Variants in SPATA6L observed in about 807,000 individuals in gnomAD.
SPATA6L encodes the protein spermatogenesis associated 6-like protein.
A neutral mutation model predicts 49.2 loss-of-function variants in SPATA6L; 68 were observed. The ratio of observed to expected loss-of-function variants is 1.38; its 90% CI spans 1.14 to 1.69. The LOEUF (loss-of-function observed/expected upper bound fraction) is 1.69, where lower values mean the gene tolerates loss of function less well. Ranked by LOEUF, SPATA6L falls within the 40% of genes most tolerant of loss-of-function variation. The pLI is 0.00. For missense variants in SPATA6L, 668 were observed against 464.3 expected, an observed-to-expected ratio of 1.44 and a Z score of -4.03; for synonymous variants, 198 against 165.7, an observed-to-expected ratio of 1.19 and a Z score of -1.50.
chr9:4,663,317 A>T, intron 1 of SPATA6L: 2 of 1,549,990 alleles, frequency 1.3e-6, no homozygotes, highest in Non-Finnish European at 1.8e-6. Context: ...ACATTCGATG[A>T]TGTCAACCTA....
At chr9:4,643,538 A>G (rs1188173167) in intron 3 of SPATA6L, among the ~76,000 whole-genome samples, 2 of 152,208 alleles carry the variant, frequency 1.3e-5, no homozygotes, top group African/African-American at 4.8e-5. Context: ...AACAATATTA[A>G]TTTATGGATA....
chr9:4,664,749 C>T (rs1485202), intron 1 of SPATA6L: 26,826 of 166,982 alleles, frequency 0.16, 2,544 homozygotes, highest in East Asian at 0.38. Flanking sequence ...ACCTGGAGAA[C>T]GGCTGTGATA....
intron 3 of SPATA6L, among the ~76,000 whole-genome samples, chr9:4,640,320 T>A (rs1425405173): frequency 6.6e-6 from 1 of 152,236 alleles, no homozygotes; most frequent in Admixed American, 6.5e-5. Context: ...ACTTCTTCAT[T>A]CTTTAGCAGT....
Position 4,635,367 on chromosome 9 carries a change from T to C in SPATA6L, c.259A>G (p.Thr87Ala). Residue 87 changes from threonine to alanine, a missense_variant, in exon 4 of 12, where the codon ACA (threonine) becomes GCA (alanine). Physicochemically the swap from Thr to Ala is moderately conservative, Grantham distance 58. Transcript: ENST00000682582. ...GGCTCTGGGAAAAGAAAATCTCGTG[T>C]GTTTTCTTCGTAGTAGGCCAACTCA... ...WDELAYYEEN[T>A]RDFLFPEPKL... The C allele has an allele frequency of 6.3e-7, 1 of 1,591,606 alleles. No homozygotes were observed. Among genetic ancestry groups the C allele is most frequent in the African/African-American group, 1.4e-5 (1 of 73,100 alleles).
chr9:4,617,445 T>C (rs1828267140), intron 9 of SPATA6L: 1 of 152,390 alleles, frequency 6.6e-6, no homozygotes, highest in Non-Finnish European at 1.5e-5. Flanking sequence ...TTTCTGCTTT[T>C]GCTCTCTGGC....
intron 3 of SPATA6L, among the ~76,000 whole-genome samples, chr9:4,648,296 C>G (rs1835897524): frequency 6.6e-6 from 1 of 152,166 alleles, no homozygotes; most frequent in African/African-American, 2.4e-5. Flanking sequence ...TATATATTTG[C>G]CAACCATCAC....
rs1829899509 is a variant in SPATA6L at position 4,624,120 on chromosome 9, A to G, written c.669+1207T>C. Among the ~76,000 whole-genome samples, 4 of 152,218 alleles carry G rather than the reference A, an allele frequency of 2.6e-5. No homozygotes were observed. The South Asian group carries it at 6.2e-4, about 24-fold the overall frequency. ...ACCACTGATGACTTTAAATCAAAAT[A>G]TCAACTTAATGATACTATCAATAGT... On this transcript the variant is annotated intron_variant, in intron 6 of 11. Transcript: ENST00000682582.
Position 4,605,507 on chromosome 9 carries a change from C to G in SPATA6L, c.996-67G>C. 3 of 1,053,614 alleles carry G rather than the reference C, an allele frequency of 2.8e-6. No individual in the cohort carries two copies. The South Asian group carries it at 4.0e-5, about 14-fold the overall frequency. The allele number at this position is 1,053,614 out of a possible 1,614,324, so 65.3% of individuals were successfully genotyped here. A position where few individuals can be genotyped will look rare whatever the true frequency, so the allele number is the denominator to read the frequency against. ...TAAAAAGGACACTTAAAGCACATGA[C>G]GGTATGGATTGATATTTAAAACTTA... On this transcript the variant is annotated intron_variant, in intron 9 of 11. Transcript: ENST00000682582.
rs373481608 is a variant in SPATA6L, at chr9:4,618,131, T to C, written c.808-21A>G. On this transcript the variant is annotated intron_variant, in intron 8 of 11. Transcript: ENST00000682582. ...ATAACCTGAGTGACAATATGCATTA[T>C]TTAGTTGTAATTTTGCTTCTGTTTG... 5.8e-5 allele frequency: 92 copies of C among 1,573,332 alleles called. No individual in the cohort carries two copies. The African/African-American group carries it at 1.0e-3, about 17-fold the overall frequency.
intron 11 of SPATA6L, among the ~76,000 whole-genome samples, chr9:4,602,388 G>A (rs1196458725): frequency 6.6e-6 from 1 of 152,066 alleles, no homozygotes; most frequent in Non-Finnish European, 1.5e-5. Context: ...ACGTTCTAAG[G>A]TAGAAGCCTC....
chr9:4,625,207 T>C (rs933787607), intron 6 of SPATA6L, 120 bp downstream of exon 6: 2 of 1,434,896 alleles, frequency 1.4e-6, no homozygotes, highest in Non-Finnish European at 1.8e-6. Flanking sequence ...TATTATTCAA[T>C]TTGAAGTACC....
At chr9:4,644,106 G>C (rs968124123) in intron 3 of SPATA6L, among the ~76,000 whole-genome samples, 1 of 143,670 alleles carries the variant, frequency 7.0e-6, no homozygotes. Context: ...CAGCACTTTG[G>C]GTGGCCAAGG....
At position 4,606,333 on chromosome 9, in the gene SPATA6L, C is replaced by T. The variant is rs372778758; in HGVS notation, c.996-893G>A. 2.1e-4 allele frequency among the ~76,000 whole-genome samples: 29 copies of T among 140,622 alleles called. 4 individuals carry two copies. The highest frequency in any genetic ancestry group is 1.9e-3 in the East Asian group (8 of 4,174). The allele number at this position is 140,622 out of a possible 152,430, so 92.3% of individuals were successfully genotyped here. On this transcript the variant is annotated intron_variant, in intron 9 of 11. Transcript: ENST00000682582. ...GGCCTGCCTGCCTCTGTAGGCGCCA[C>T]GTCTGGGGGCAGGGCACAGACAAAC...
At position 4,600,749 on chromosome 9, in the gene SPATA6L, G is replaced by A. The variant is rs896614701; in HGVS notation, c.*62C>T. On this transcript the variant is annotated 3_prime_UTR_variant, in exon 12 of 12. Transcript: ENST00000682582. ...AAAAAGTGTTCATTTCTTTAAGGATGCTTCAATTGTCTCAGTGAGTGAGCT... is the reference window on the plus strand; with the variant it reads ...AAAAAGTGTTCATTTCTTTAAGGATACTTCAATTGTCTCAGTGAGTGAGCT... 1 of 152,204 alleles carries A rather than the reference G, an allele frequency of 6.6e-6. No individual in the cohort carries two copies. Among genetic ancestry groups the A allele is most frequent in the Non-Finnish European group, 1.5e-5 (1 of 68,034 alleles). 9.4% of individuals were successfully genotyped at this position (152,204 alleles called of 1,614,324 possible).
chr9:4,633,833 GT>G (rs1832182941), intron 4 of SPATA6L: 1 of 152,110 alleles, frequency 6.6e-6, no homozygotes, highest in Non-Finnish European at 1.5e-5. Context: ...ATGGGAATTG[GT>G]TTTATTTTGC....
intron 6 of SPATA6L, 28 bp from the exon 7 acceptor site, chr9:4,622,538 A>G: frequency 6.8e-7 from 1 of 1,475,220 alleles, no homozygotes; most frequent in South Asian, 1.1e-5. Flanking sequence ...AAATAAGACT[A>G]GAATCCACTA....
At chr9:4,655,438 G>A (rs57101755) in intron 3 of SPATA6L, among the ~76,000 whole-genome samples, 10,838 of 152,154 alleles carry the variant, frequency 0.071, 884 homozygotes, top group African/African-American at 0.19. Context: ...TTTTTGTGGT[G>A]ATAAAAATAT....
chr9:4,609,648 AAAT>A (rs991888113), intron 9 of SPATA6L, among the ~76,000 whole-genome samples: 36 of 151,708 alleles, frequency 2.4e-4, no homozygotes, highest in Non-Finnish European at 4.7e-4. Context: ...ACGTATTTCA[AAAT>A]AATAAGAGCT....
intron 5 of SPATA6L, chr9:4,626,556 C>T: frequency 7.7e-7 from 1 of 1,303,404 alleles, no homozygotes; most frequent in Non-Finnish European, 1.0e-6. Flanking sequence ...TTCCCCAGCC[C>T]TAGGGGTGGA....
Sources: gnomAD v4.1 joint callset for allele counts (sites outside exome capture counted in the v4.1 genomes callset) on GRCh38, gnomAD v4.1.1 for gene constraint, MANE v1.5 for transcripts, NCBI Gene and HGNC (gene_info 2026-07-23, HGNC 2026-07-21) for gene names.